STPG2: variants seen among roughly 807,000 people sequenced by gnomAD.
The protein encoded by STPG2 is sperm-tail PG-rich repeat-containing protein 2.
Under a neutral mutation model 54.2 loss-of-function variants are expected in STPG2, and 56 were observed. The ratio of observed to expected loss-of-function variants is 1.03; its 90% CI spans 0.83 to 1.29. The LOEUF is 1.29. Ranked by LOEUF, STPG2 falls within the 50% of genes most tolerant of loss-of-function variation. The pLI, the probability that STPG2 is intolerant of heterozygous loss-of-function variation, is 0.00. For synonymous variants in STPG2, 200 were observed against 181.8 expected (o/e 1.10, Z -0.81); for missense variants, 596 against 544.9 (o/e 1.09, Z -0.93).
At chr4:97,644,181 G>T (rs1231306669) in intron 10 of STPG2, among the ~76,000 whole-genome samples, 1 of 151,594 alleles carries the variant, frequency 6.6e-6, no homozygotes, top group Non-Finnish European at 1.5e-5. Flanking sequence ...TTTAAAATGG[G>T]CATGCTTATA....
chr4:97,664,402 C>T (rs1722460955), intron 10 of STPG2, among the ~76,000 whole-genome samples: 1 of 152,316 alleles, frequency 6.6e-6, no homozygotes, highest in South Asian at 2.1e-4. Context: ...AAGCCAGGCA[C>T]TTCACGTACT....
intron 5 of STPG2, among the ~76,000 whole-genome samples, chr4:98,069,938 T>C (rs1366105289): frequency 1.3e-5 from 2 of 151,926 alleles, no homozygotes; most frequent in Admixed American, 1.3e-4. Context: ...AGCTCTGATA[T>C]AAAACGAGAG....
intron 8 of STPG2, among the ~76,000 whole-genome samples, chr4:97,940,349 G>A (rs980686922): frequency 9.9e-5 from 15 of 152,158 alleles, no homozygotes; most frequent in African/African-American, 3.6e-4. Context: ...GGCCTCTCTA[G>A]CAAAATTGGG....
intron 7 of STPG2, among the ~76,000 whole-genome samples, chr4:97,970,117 C>T (rs1396680378): frequency 1.3e-5 from 2 of 152,288 alleles, no homozygotes; most frequent in South Asian, 4.1e-4. Context: ...TGAAGAACCT[C>T]TTCAAGGAGA....
intron 10 of STPG2, among the ~76,000 whole-genome samples, chr4:97,706,114 CT>C (rs1040616910): frequency 6.6e-6 from 1 of 152,002 alleles, no homozygotes; most frequent in Non-Finnish European, 1.5e-5. Flanking sequence ...TTGAATTTTT[CT>C]TTTTATTCGT....
chr4:97,653,501 AT>A (rs1722133593), intron 10 of STPG2, among the ~76,000 whole-genome samples: 1 of 152,060 alleles, frequency 6.6e-6, no homozygotes, highest in Admixed American at 6.6e-5. Flanking sequence ...AAAAGAATTT[AT>A]TTTTTATGTT....
intron 8 of STPG2, among the ~76,000 whole-genome samples, chr4:97,897,600 T>C (rs1389462395): frequency 2.0e-5 from 3 of 152,200 alleles, no homozygotes; most frequent in African/African-American, 7.2e-5. Flanking sequence ...ACAGCCATTC[T>C]GACTGGTGTG....
intron 8 of STPG2, among the ~76,000 whole-genome samples, chr4:97,943,516 A>C (rs1733073509): frequency 7.0e-6 from 1 of 143,456 alleles, no homozygotes; most frequent in African/African-American, 2.6e-5. Flanking sequence ...AAAATAAATC[A>C]CTCGGGAGTC....
At chr4:98,113,113 C>G (rs1395425009) in intron 3 of STPG2, among the ~76,000 whole-genome samples, 2 of 151,224 alleles carry the variant, frequency 1.3e-5, no homozygotes, top group Admixed American at 1.3e-4. Context: ...GAGTATAACA[C>G]GAAGAAAGAC....
intron 8 of STPG2, among the ~76,000 whole-genome samples, chr4:97,925,324 C>T (rs981625239): frequency 6.6e-6 from 1 of 152,174 alleles, no homozygotes; most frequent in East Asian, 1.9e-4. Flanking sequence ...ACTATCAGCA[C>T]TTATTCCTGC....
At chr4:98,136,279 C>T (rs7678911) in intron 1 of STPG2, among the ~76,000 whole-genome samples, 59,808 of 151,178 alleles carry the variant, frequency 0.4, 12,070 homozygotes, top group Middle Eastern at 0.46. Flanking sequence ...GCTCCTTGAC[C>T]TGTGATGGAG....
intron 4 of STPG2, among the ~76,000 whole-genome samples, chr4:97,522,388 G>A (rs558906454): frequency 6.6e-5 from 10 of 151,976 alleles, no homozygotes; most frequent in African/African-American, 2.4e-4. Flanking sequence ...AGTTTAGAAG[G>A]TTTATTTTGT....
intron 1 of STPG2, among the ~76,000 whole-genome samples, chr4:98,137,437 T>C (rs1366965947): frequency 6.6e-6 from 1 of 151,898 alleles, no homozygotes; most frequent in African/African-American, 2.4e-5. Context: ...TTGCTTTTTG[T>C]TTTTGTTTTC....
At chr4:97,503,814 T>G (rs1424644365) in intron 4 of STPG2, among the ~76,000 whole-genome samples, 1 of 131,648 alleles carries the variant, frequency 7.6e-6, no homozygotes, top group Non-Finnish European at 1.6e-5. Flanking sequence ...AAAAATATAT[T>G]TAAATATTTT....
intron 8 of STPG2, among the ~76,000 whole-genome samples, chr4:97,893,878 T>A (rs1730858396): frequency 6.6e-6 from 1 of 151,988 alleles, no homozygotes; most frequent in Admixed American, 6.6e-5. Flanking sequence ...CTGAGTCCCC[T>A]AAAATCTATT....
intron 4 of STPG2, among the ~76,000 whole-genome samples, chr4:97,499,186 C>G (rs2148832076): frequency 6.6e-6 from 1 of 151,876 alleles, no homozygotes; most frequent in East Asian, 1.9e-4. Flanking sequence ...AATAAGTGTG[C>G]CTGAATGAAA....
intron 9 of STPG2, among the ~76,000 whole-genome samples, chr4:97,828,623 C>A (rs1728341778): frequency 1.3e-5 from 2 of 152,144 alleles, no homozygotes; most frequent in African/African-American, 2.4e-5. Flanking sequence ...CCACAGAGCC[C>A]AGCAAGCCAA....
chr4:97,748,376 A>G (rs1218245552), intron 9 of STPG2, among the ~76,000 whole-genome samples: 1 of 151,650 alleles, frequency 6.6e-6, no homozygotes, highest in Non-Finnish European at 1.5e-5. Context: ...TATTAGAACT[A>G]TAAGTTAGAA....
At chr4:97,779,021 GC>G (rs1377227758) in intron 9 of STPG2, among the ~76,000 whole-genome samples, 8 of 152,172 alleles carry the variant, frequency 5.3e-5, no homozygotes, top group African/African-American at 1.9e-4. Flanking sequence ...AAAAATCAGA[GC>G]ACCTCCTCCC....
Sources: allele counts gnomAD v4.1 joint callset (sites outside exome capture counted in the v4.1 genomes callset), GRCh38; gene constraint gnomAD v4.1.1; transcripts MANE v1.5; gene names NCBI Gene and HGNC (gene_info 2026-07-23, HGNC 2026-07-21).